The following FBXO36 variants were observed in gnomAD, a reference collection of about 807,000 sequenced individuals.
FBXO36 encodes F-box protein 36, also known as F-box only protein 36.
Under a neutral mutation model 17.0 loss-of-function variants are expected in FBXO36, and 18 were observed. The ratio of observed to expected loss-of-function variants is 1.06; its 90% CI spans 0.73 to 1.57. The LOEUF (loss-of-function observed/expected upper bound fraction) is 1.57, where lower values mean the gene tolerates loss of function less well. FBXO36 is among the 40% of genes most tolerant of loss of function. The probability of loss-of-function intolerance (pLI) is 0.00; values close to 1 mark genes in which losing one functional copy is unlikely to be tolerated. For synonymous variants in FBXO36, 83 were observed against 85.3 expected (o/e 0.97, Z 0.15); for missense variants, 229 against 221.9 (o/e 1.03, Z -0.20).
intron 1 of FBXO36, among the ~76,000 whole-genome samples, chr2:229,935,033 GA>G (rs1219891468): frequency 6.6e-6 from 1 of 152,140 alleles, no homozygotes; most frequent in Admixed American, 6.5e-5. Context: ...TAATCCAAAA[GA>G]AAATACCTGC....
At chr2:229,967,867 G>T (rs1042577901) in intron 1 of FBXO36, among the ~76,000 whole-genome samples, 2 of 152,018 alleles carry the variant, frequency 1.3e-5, no homozygotes, top group African/African-American at 4.8e-5. Flanking sequence ...GCCCGGCTTT[G>T]GTATCAGGAT....
intron 1 of FBXO36, among the ~76,000 whole-genome samples, chr2:229,935,366 A>G (rs1243011971): frequency 1.3e-5 from 2 of 152,194 alleles, no homozygotes; most frequent in African/African-American, 2.4e-5. Context: ...ATCAAACATT[A>G]GCCAGATGTG....
intron 1 of FBXO36, among the ~76,000 whole-genome samples, chr2:229,962,054 G>A (rs912501667): frequency 2.6e-5 from 4 of 151,936 alleles, no homozygotes; most frequent in African/African-American, 9.7e-5. Flanking sequence ...ACAGTGGCAT[G>A]CGCCTGTAAT....
intron 3 of FBXO36, 108 bp downstream of exon 3, chr2:229,997,031 T>C: frequency 1.0e-6 from 1 of 958,778 alleles, no homozygotes; most frequent in Non-Finnish European, 1.6e-6. Flanking sequence ...ATGGACACTG[T>C]CTTAGGTGCA....
At chr2:229,963,485 C>A (rs1475320606) in intron 1 of FBXO36, among the ~76,000 whole-genome samples, 1 of 148,530 alleles carries the variant, frequency 6.7e-6, no homozygotes, top group East Asian at 2.0e-4. Flanking sequence ...CACTCTGTCG[C>A]CCAGGCTGGA....
intron 1 of FBXO36, among the ~76,000 whole-genome samples, chr2:229,939,467 C>T (rs1170003852): frequency 1.3e-5 from 2 of 151,814 alleles, no homozygotes; most frequent in Admixed American, 1.3e-4. Flanking sequence ...AAAAATTAGC[C>T]GGACATGGTG....
At chr2:229,931,796 G>A (rs1230401137) in intron 1 of FBXO36, among the ~76,000 whole-genome samples, 1 of 152,150 alleles carries the variant, frequency 6.6e-6, no homozygotes, top group African/African-American at 2.4e-5. Context: ...CCAAGATCGT[G>A]CCATTGCACT....
intron 1 of FBXO36, among the ~76,000 whole-genome samples, chr2:229,925,987 T>A (rs1158828629): frequency 6.6e-6 from 1 of 152,022 alleles, no homozygotes; most frequent in Non-Finnish European, 1.5e-5. Context: ...CGCTGCTTTC[T>A]AAATCAAAGA....
intron 1 of FBXO36, among the ~76,000 whole-genome samples, chr2:229,952,633 C>T (rs1025966331): frequency 6.6e-6 from 1 of 152,118 alleles, no homozygotes. Context: ...TGCCTCGCAT[C>T]CCCAGCAGTT....
chr2:229,998,224 C>T (rs1036756775), intron 3 of FBXO36, among the ~76,000 whole-genome samples: 29 of 152,130 alleles, frequency 1.9e-4, no homozygotes, highest in African/African-American at 3.9e-4. Flanking sequence ...GTAATTCCAG[C>T]ACTTTGGGAG....
rs1156236000 is a variant in FBXO36 at position 229,935,532 on chromosome 2, AAAT to A, written c.96+12937_96+12939del. Among the ~76,000 whole-genome samples the A allele has an allele frequency of 5.9e-5, 9 of 152,106 alleles. No homozygotes were observed. In the South Asian group the frequency reaches 1.2e-3, roughly 21 times the overall value. On this transcript the variant is annotated intron_variant, in intron 1 of 3. Transcript: ENST00000283946. ...CCGTCTCAAATAAGTAAATAAATAA[AAAT>A]AATAATAATAATATCGAGCTAGGGA...
chr2:229,927,924 G>T (rs1577324153), intron 1 of FBXO36, among the ~76,000 whole-genome samples: 1 of 152,206 alleles, frequency 6.6e-6, no homozygotes, highest in East Asian at 1.9e-4. Context: ...TAGACTTGGT[G>T]ATGGCTGGGC....
chr2:229,958,777 T>G (rs1033871679), intron 1 of FBXO36, among the ~76,000 whole-genome samples: 3 of 152,204 alleles, frequency 2.0e-5, no homozygotes, highest in African/African-American at 7.2e-5. Flanking sequence ...GAACTATGAC[T>G]ACATTCTCGC....
At chr2:229,964,018 C>T (rs943131481) in intron 1 of FBXO36, among the ~76,000 whole-genome samples, 1 of 152,008 alleles carries the variant, frequency 6.6e-6, no homozygotes, top group African/African-American at 2.4e-5. Context: ...TAAAATTGAG[C>T]ATCTTTTTAT....
At chr2:230,009,901 G>A (rs981811707) in intron 3 of FBXO36, among the ~76,000 whole-genome samples, 4 of 151,940 alleles carry the variant, frequency 2.6e-5, no homozygotes, top group African/African-American at 4.8e-5. Flanking sequence ...AGCCGAGATC[G>A]CACCCCTGCA....
At chr2:229,973,171 G>C (rs1046516597) in intron 1 of FBXO36, 4 of 151,892 alleles carry the variant, frequency 2.6e-5, no homozygotes, top group Admixed American at 6.6e-5. Flanking sequence ...GCTTATGATA[G>C]CTATTGCCAA....
intron 1 of FBXO36, among the ~76,000 whole-genome samples, chr2:229,945,798 G>A (rs1250334430): frequency 6.6e-6 from 1 of 151,670 alleles, no homozygotes; most frequent in Non-Finnish European, 1.5e-5. Context: ...TGAGGCAGGC[G>A]GATCATCTGA....
At chr2:229,999,693 A>G (rs916756799) in intron 3 of FBXO36, among the ~76,000 whole-genome samples, 2 of 151,692 alleles carry the variant, frequency 1.3e-5, no homozygotes, top group Non-Finnish European at 2.9e-5. Flanking sequence ...ATATATGTAT[A>G]TATATGTATT....
At chr2:230,003,450 C>G (rs1200474040) in intron 3 of FBXO36, among the ~76,000 whole-genome samples, 1 of 152,012 alleles carries the variant, frequency 6.6e-6, no homozygotes, top group Non-Finnish European at 1.5e-5. Flanking sequence ...ATTTTCCCCT[C>G]GGTCCATGCC....
Sources: gnomAD v4.1 joint callset for allele counts (sites outside exome capture counted in the v4.1 genomes callset) on GRCh38, gnomAD v4.1.1 for gene constraint, MANE v1.5 for transcripts, NCBI Gene and HGNC (gene_info 2026-07-23, HGNC 2026-07-21) for gene names.